Variants in OTOP1 observed in about 807,000 individuals in gnomAD.
OTOP1 encodes otopetrin 1, also known as proton channel OTOP1.
In OTOP1, 59 loss-of-function variants were observed where a neutral mutation model predicts 52.9. That is an observed-to-expected ratio of 1.12 (90% CI 0.91 to 1.39). OTOP1 has a LOEUF of 1.39. Ranked by LOEUF, OTOP1 falls within the 40% of genes most tolerant of loss-of-function variation. The probability of loss-of-function intolerance (pLI) is 0.00; values close to 1 mark genes in which losing one functional copy is unlikely to be tolerated. For synonymous variants in OTOP1, 317 were observed against 337.7 expected (o/e 0.94, Z 0.67); for missense variants, 761 against 800.9 (o/e 0.95, Z 0.60).
intron 2 of OTOP1, among the ~76,000 whole-genome samples, chr4:4,208,144 G>A (rs1045100306): frequency 6.6e-6 from 1 of 152,184 alleles, no homozygotes; most frequent in African/African-American, 2.4e-5. Flanking sequence ...CCTTTATCCT[G>A]TACCTGTGAG....
At chr4:4,189,190 T>C (rs917703303) in intron 5 of OTOP1, among the ~76,000 whole-genome samples, 1 of 152,092 alleles carries the variant, frequency 6.6e-6, no homozygotes, top group Admixed American at 6.6e-5. Context: ...CAACCACCCT[T>C]CCCTGCAATC....
intron 1 of OTOP1, among the ~76,000 whole-genome samples, chr4:4,216,900 G>A (rs1717165611): frequency 6.6e-6 from 1 of 152,220 alleles, no homozygotes; most frequent in African/African-American, 2.4e-5. Context: ...GACTGCATCA[G>A]AATCAGCTGC....
At chr4:4,216,968 G>A (rs924461638) in intron 1 of OTOP1, among the ~76,000 whole-genome samples, 21 of 152,210 alleles carry the variant, frequency 1.4e-4, no homozygotes, top group Admixed American at 1.3e-4. Flanking sequence ...GATTCAGCAG[G>A]TGTGGACGGG....
chr4:4,204,001 G>T (rs1238757136), intron 3 of OTOP1, among the ~76,000 whole-genome samples: 4 of 152,216 alleles, frequency 2.6e-5, no homozygotes, highest in African/African-American at 9.6e-5. Context: ...AGCAGAGCTA[G>T]AGGGATGAAA....
At chr4:4,198,926 C>T (rs1192317998) in intron 4 of OTOP1, among the ~76,000 whole-genome samples, 23 of 152,230 alleles carry the variant, frequency 1.5e-4, no homozygotes, top group Non-Finnish European at 3.2e-4. Flanking sequence ...AGCGGTGACT[C>T]AGCCCTGTAA....
At position 4,197,242 on chromosome 4, in the gene OTOP1, G is replaced by A. The variant is rs566824701; in HGVS notation, c.1592C>T (p.Pro531Leu). ...WGGSPSPVRL[P>L]RFLQGNAKRK... ...CTTGGCGTTGCCCTGTAAGAAACGGGGAAGGCGGACTGGGCTTGGGCTCCC... is the reference window on the plus strand; with the variant it reads ...CTTGGCGTTGCCCTGTAAGAAACGGAGAAGGCGGACTGGGCTTGGGCTCCC... The change falls in exon 5 of 6, where the codon CCC becomes CTC. Residue 531 changes from proline (P) to leucine (L), a missense_variant. By Grantham distance (98) the Pro-to-Leu change is moderately conservative (BLOSUM62 -3). Transcript: ENST00000296358. 76 of 1,614,178 alleles carry A rather than the reference G, an allele frequency of 4.7e-5. 2 individuals are homozygous for A. In the Admixed American group the frequency reaches 1.2e-3, roughly 26 times the overall value.
intron 1 of OTOP1, among the ~76,000 whole-genome samples, chr4:4,224,827 C>G (rs1717388693): frequency 6.9e-6 from 1 of 144,140 alleles, no homozygotes; most frequent in African/African-American, 2.6e-5. Context: ...AAGAGCTTTA[C>G]AGAAAGGGGG....
chr4:4,203,003 C>T (rs1716823787), intron 3 of OTOP1, among the ~76,000 whole-genome samples: 1 of 152,240 alleles, frequency 6.6e-6, no homozygotes, highest in Non-Finnish European at 1.5e-5. Context: ...CAGGTCCACC[C>T]TTACTGCTGA....
chr4:4,212,477 T>G (rs1023428481), intron 2 of OTOP1, among the ~76,000 whole-genome samples: 1 of 152,226 alleles, frequency 6.6e-6, no homozygotes, highest in Non-Finnish European at 1.5e-5. Flanking sequence ...GTTGCATAAC[T>G]CTATGAACAG....
chr4:4,205,956 G>A, intron 3 of OTOP1, 116 bp downstream of exon 3: 1 of 878,050 alleles, frequency 1.1e-6, no homozygotes, highest in South Asian at 1.5e-5. Context: ...TAGCTTTCAG[G>A]ACTGAGGGGA....
chr4:4,226,405 A>G, intron 1 of OTOP1, 57 bp downstream of exon 1: 1 of 1,370,978 alleles, frequency 7.3e-7, no homozygotes, highest in South Asian at 1.6e-5. Flanking sequence ...GAGCAGCCTC[A>G]GGATGCAGCC....
chr4:4,208,032 C>T (rs1223959449), intron 2 of OTOP1, among the ~76,000 whole-genome samples: 1 of 152,150 alleles, frequency 6.6e-6, no homozygotes, highest in Non-Finnish European at 1.5e-5. Context: ...CCGTCTAGCT[C>T]AGCGAACCTG....
At chr4:4,214,133 T>C (rs573464675) in intron 1 of OTOP1, among the ~76,000 whole-genome samples, 20 of 151,962 alleles carry the variant, frequency 1.3e-4, no homozygotes, top group African/African-American at 3.1e-4. Context: ...AATTGAAAAA[T>C]TGGCAAAGGA....
chr4:4,202,665 A>G (rs1716815834), intron 3 of OTOP1, 87 bp from the exon 4 acceptor site: 2 of 1,496,834 alleles, frequency 1.3e-6, no homozygotes, highest in East Asian at 2.4e-5. Flanking sequence ...ACACAAATAC[A>G]TGGCTCCTTC....
At position 4,208,737 on chromosome 4, in the gene OTOP1, G is replaced by A. The variant is rs150219167; in HGVS notation, c.541-2607C>T. Among the ~76,000 whole-genome samples, 700 of 151,222 alleles carry A rather than the reference G, an allele frequency of 4.6e-3. 5 individuals carry two copies. The highest frequency in any genetic ancestry group is 0.016 in the African/African-American group (669 of 41,110). ...TGTACTTAACATTACTGAAACGTACGCTTAAAATAACTAAGATGGTAAGTG... is the reference window on the plus strand; with the variant it reads ...TGTACTTAACATTACTGAAACGTACACTTAAAATAACTAAGATGGTAAGTG... On this transcript the variant is annotated intron_variant, in intron 2 of 5. Transcript: ENST00000296358.
intron 1 of OTOP1, among the ~76,000 whole-genome samples, chr4:4,219,085 T>C (rs951318841): frequency 2.0e-5 from 3 of 152,118 alleles, no homozygotes; most frequent in African/African-American, 7.2e-5. Flanking sequence ...ACGTAAAATG[T>C]ATCATCATAA....
chr4:4,203,328 G>A (rs1215101624), intron 3 of OTOP1, among the ~76,000 whole-genome samples: 2 of 152,244 alleles, frequency 1.3e-5, no homozygotes, highest in Non-Finnish European at 2.9e-5. Context: ...GAGGATGGCA[G>A]AGTGGAAATC....
intron 4 of OTOP1, among the ~76,000 whole-genome samples, chr4:4,201,945 A>G (rs1716797651): frequency 1.3e-5 from 2 of 152,342 alleles, no homozygotes; most frequent in African/African-American, 2.4e-5. Flanking sequence ...TTCAAATAGG[A>G]ACAAGGTGGA....
In OTOP1 at chr4:4,199,372, G is replaced by C. The variant is rs189582430; in HGVS notation, c.731-1269C>G. Among the ~76,000 whole-genome samples, 259 of 151,844 alleles carry C rather than the reference G, an allele frequency of 1.7e-3. 2 individuals are homozygous for C. The highest frequency in any genetic ancestry group is 6.1e-3 in the African/African-American group (252 of 41,384). ...AACAGCCACTGCACATTATAATTAA[G>C]ATGTGCTTTATGGTTTGGGGTATTT... On this transcript the variant is annotated intron_variant, in intron 4 of 5. Coordinates refer to ENST00000296358, the MANE Select transcript of OTOP1 (RefSeq NM_177998.3).
Sources: allele counts gnomAD v4.1 joint callset (sites outside exome capture counted in the v4.1 genomes callset), GRCh38; gene constraint gnomAD v4.1.1; transcripts MANE v1.5; gene names NCBI Gene and HGNC (gene_info 2026-07-23, HGNC 2026-07-21).